TEK: variants seen among roughly 807,000 people sequenced by gnomAD.
TEK encodes TEK receptor tyrosine kinase.
TEK carries 43 observed loss-of-function variants against 131.8 expected under a neutral mutation model. The ratio of observed to expected loss-of-function variants is 0.33; its 90% CI spans 0.26 to 0.42. TEK has a LOEUF of 0.42. Ranked by LOEUF, TEK falls within the 10% of genes least tolerant of loss-of-function variation. The probability of loss-of-function intolerance (pLI) is 1.00; values close to 1 mark genes in which losing one functional copy is unlikely to be tolerated. For synonymous variants in TEK, 580 were observed against 491.6 expected, an observed-to-expected ratio of 1.18 and a Z score of -2.38; for missense variants, 1,162 against 1,384.4, an observed-to-expected ratio of 0.84 and a Z score of 2.55.
At chr9:27,116,407 G>A (rs1396474009) in intron 1 of TEK, among the ~76,000 whole-genome samples, 1 of 152,062 alleles carries the variant, frequency 6.6e-6, no homozygotes, top group Non-Finnish European at 1.5e-5. Flanking sequence ...TCCCACCTCA[G>A]CCTCCTGAAT....
chr9:27,200,933 G>T (rs1424176270), intron 12 of TEK, among the ~76,000 whole-genome samples: 2 of 152,100 alleles, frequency 1.3e-5, no homozygotes, highest in East Asian at 1.9e-4. Context: ...ACGGCATGGG[G>T]ATTAGGATTC....
intron 18 of TEK, among the ~76,000 whole-genome samples, chr9:27,216,739 G>A (rs1587035601): frequency 6.6e-6 from 1 of 152,180 alleles, no homozygotes; most frequent in South Asian, 2.1e-4. Flanking sequence ...GGCAGGGCTG[G>A]TCTCATAAAT....
intron 4 of TEK, among the ~76,000 whole-genome samples, 175 bp downstream of exon 4, chr9:27,169,804 T>G (rs921043579): frequency 6.6e-6 from 1 of 152,246 alleles, no homozygotes; most frequent in African/African-American, 2.4e-5. Context: ...TAGCAATCAT[T>G]AGAGGAATGA....
chr9:27,158,874 C>T (rs536077094), intron 2 of TEK, among the ~76,000 whole-genome samples: 11 of 152,036 alleles, frequency 7.2e-5, no homozygotes, highest in Admixed American at 2.0e-4. Flanking sequence ...TTGGCCAGGA[C>T]GATCTTGATC....
At chr9:27,221,935 A>T (rs1826100656) in intron 21 of TEK, among the ~76,000 whole-genome samples, 1 of 152,094 alleles carries the variant, frequency 6.6e-6, no homozygotes, top group Non-Finnish European at 1.5e-5. Flanking sequence ...GTAATAACAA[A>T]CTCCTTCAAG....
chr9:27,150,304 C>G (rs1245225160), intron 1 of TEK, among the ~76,000 whole-genome samples: 3 of 152,106 alleles, frequency 2.0e-5, no homozygotes, highest in Non-Finnish European at 2.9e-5. Flanking sequence ...CTCAGATTGC[C>G]TGTTATAAAG....
At chr9:27,144,918 G>A (rs1822859248) in intron 1 of TEK, among the ~76,000 whole-genome samples, 3 of 152,106 alleles carry the variant, frequency 2.0e-5, no homozygotes, top group South Asian at 2.1e-4. Flanking sequence ...TATTGGGAGA[G>A]TATATTTCAT....
chr9:27,127,120 C>T (rs1194893042), intron 1 of TEK, among the ~76,000 whole-genome samples: 1 of 152,140 alleles, frequency 6.6e-6, no homozygotes, highest in Non-Finnish European at 1.5e-5. Context: ...AATGCTATCC[C>T]TCCCTCAACC....
intron 16 of TEK, 127 bp from the exon 17 acceptor site, chr9:27,212,580 T>G: frequency 1.0e-6 from 1 of 959,394 alleles, no homozygotes; most frequent in Non-Finnish European, 1.6e-6. Context: ...CAGTGCTCCC[T>G]GGGTGGTGTT....
intron 2 of TEK, among the ~76,000 whole-genome samples, chr9:27,159,728 A>G (rs1823473957): frequency 1.3e-5 from 2 of 152,174 alleles, no homozygotes; most frequent in South Asian, 4.1e-4. Flanking sequence ...TGTTGCAAAT[A>G]TTATTTAATA....
chr9:27,123,794 T>C (rs1200485651), intron 1 of TEK, among the ~76,000 whole-genome samples: 2 of 151,006 alleles, frequency 1.3e-5, no homozygotes, highest in Non-Finnish European at 2.9e-5. Context: ...TATTTATTCT[T>C]TTGAGATAGT....
At chr9:27,227,855 A>G (rs1826399725) in intron 21 of TEK, among the ~76,000 whole-genome samples, 1 of 152,132 alleles carries the variant, frequency 6.6e-6, no homozygotes, top group South Asian at 2.1e-4. Flanking sequence ...TGTGGGTGGC[A>G]TTTTACAAGT....
At position 27,205,017 on chromosome 9, in the gene TEK, GA is replaced by G; in HGVS notation, c.2318del (p.Lys773ArgfsTer16). On this transcript the variant is annotated frameshift_variant, in exon 14 of 23. Transcript: ENST00000380036. LOFTEE classifies it high-confidence loss of function. ...TGGCCTTTCTGATCATATTGCAATTGAAGAGGGCAAATGTGCAAAGGAGAAT... is the reference window on the plus strand; with the variant it reads ...TGGCCTTTCTGATCATATTGCAATTGAGAGGGCAAATGTGCAAAGGAGAAT... ...LLAFLIILQL[K>X]RANVQRRMAQ... 6.2e-7 allele frequency: 1 copy of G among 1,614,032 alleles called. No individual in the cohort carries two copies. Among genetic ancestry groups the G allele is most frequent in the Non-Finnish European group, 8.5e-7 (1 of 1,179,956 alleles).
chr9:27,212,720 G>T lies in TEK; in HGVS notation c.2700G>T (p.Leu900=). The T allele has an allele frequency of 6.2e-7, 1 of 1,614,090 alleles. No individual in the cohort carries two copies. Among genetic ancestry groups the T allele is most frequent in the South Asian group, 1.1e-5 (1 of 91,086 alleles). ...CCTTCCCTCCAGGCTACTTGTACCT[G>T]GCCATTGAGTACGCGCCCCATGGAA... is the stretch of plus-strand genomic sequence containing the variant. The part of the protein sequence containing the change: ...GACEHRGYLY[L]AIEYAPHGNL... The change falls in exon 17 of 23, where the codon CTG becomes CTT. Residue 900 remains leucine, a synonymous_variant. Transcript: ENST00000380036.
chr9:27,227,670 C>G (rs1477194230), intron 21 of TEK, among the ~76,000 whole-genome samples: 1 of 152,114 alleles, frequency 6.6e-6, no homozygotes, highest in Non-Finnish European at 1.5e-5. Context: ...CATGAGGGTT[C>G]TACCCTCATG....
chr9:27,190,942 T>C (rs1356093908), intron 10 of TEK, among the ~76,000 whole-genome samples: 1 of 152,106 alleles, frequency 6.6e-6, no homozygotes, highest in African/African-American at 2.4e-5. Context: ...TCTATATCAA[T>C]ATTTCTTTTT....
chr9:27,204,786 G>A (rs1469525658), intron 13 of TEK, 125 bp from the exon 14 acceptor site: 24 of 1,239,582 alleles, frequency 1.9e-5, no homozygotes, highest in Non-Finnish European at 2.7e-5. Context: ...GTCATATAGT[G>A]GTTAGGTGGC....
At chr9:27,164,088 A>T (rs1444427047) in intron 2 of TEK, among the ~76,000 whole-genome samples, 1 of 152,132 alleles carries the variant, frequency 6.6e-6, no homozygotes, top group Non-Finnish European at 1.5e-5. Flanking sequence ...ACATTACATA[A>T]TCTATGAAAG....
intron 6 of TEK, among the ~76,000 whole-genome samples, chr9:27,174,671 C>T (rs1302958604): frequency 6.6e-6 from 1 of 152,106 alleles, no homozygotes; most frequent in African/African-American, 2.4e-5. Flanking sequence ...CAAAAGTAAG[C>T]TTCAGCCACC....
Sources: allele counts gnomAD v4.1 joint callset (sites outside exome capture counted in the v4.1 genomes callset), GRCh38; gene constraint gnomAD v4.1.1; transcripts MANE v1.5; gene names NCBI Gene and HGNC (gene_info 2026-07-23, HGNC 2026-07-21).